Variants in MARCHF11 observed in about 807,000 individuals in gnomAD.
The protein encoded by MARCHF11 is E3 ubiquitin-protein ligase MARCHF11.
A neutral mutation model predicts 37.3 loss-of-function variants in MARCHF11; 29 were observed. That is an observed-to-expected ratio of 0.78 (90% CI 0.58 to 1.06). The LOEUF is 1.06. Among genes scored for constraint, MARCHF11 ranks in the 50% least tolerant of loss-of-function variants. The pLI, the probability that MARCHF11 is intolerant of heterozygous loss-of-function variation, is 0.00. For missense variants in MARCHF11, 482 were observed against 533.4 expected, an observed-to-expected ratio of 0.90 and a Z score of 0.95; for synonymous variants, 233 against 228.0, an observed-to-expected ratio of 1.02 and a Z score of -0.20.
chr5:16,131,781 C>T (rs961284844), intron 2 of MARCHF11, among the ~76,000 whole-genome samples: 3 of 152,194 alleles, frequency 2.0e-5, no homozygotes, highest in Non-Finnish European at 4.4e-5. Context: ...ATCACTACTT[C>T]GTGCTTAAGA....
chr5:16,072,535 T>C (rs1231284661), intron 3 of MARCHF11, among the ~76,000 whole-genome samples: 2 of 151,826 alleles, frequency 1.3e-5, no homozygotes, highest in Non-Finnish European at 2.9e-5. Flanking sequence ...TGTGTGTGTG[T>C]GTGTGTGTGT....
chr5:16,112,663 T>A (rs1275253955), intron 2 of MARCHF11, among the ~76,000 whole-genome samples: 1 of 152,204 alleles, frequency 6.6e-6, no homozygotes, highest in Non-Finnish European at 1.5e-5. Context: ...TTTGGGGGAC[T>A]GTTGGGAAGG....
intron 3 of MARCHF11, among the ~76,000 whole-genome samples, chr5:16,083,258 G>T (rs1026760090): frequency 6.6e-6 from 1 of 152,086 alleles, no homozygotes; most frequent in Non-Finnish European, 1.5e-5. Context: ...GGATTCTGGT[G>T]GTCTTGGCTC....
At chr5:16,147,613 G>C (rs763228416) in intron 2 of MARCHF11, among the ~76,000 whole-genome samples, 5 of 152,162 alleles carry the variant, frequency 3.3e-5, no homozygotes, top group Non-Finnish European at 4.4e-5. Flanking sequence ...GCTTGGTCTA[G>C]ATGATCTTGA....
rs1163692212 is a variant in MARCHF11, at chr5:16,177,865, G to C, written c.554C>G (p.Pro185Arg). 3.7e-6 allele frequency: 6 copies of C among 1,607,528 alleles called. No individual in the cohort carries two copies. Among genetic ancestry groups the C allele is most frequent in the Non-Finnish European group, 5.1e-6 (6 of 1,177,412 alleles). The change falls in exon 2 of 4, where the codon CCC (proline) becomes CGC (arginine). Residue 185 changes from proline to arginine, a missense_variant. Coordinates refer to ENST00000332432, the MANE Select transcript of MARCHF11 (RefSeq NM_001102562.3). The stretch of plus-strand genomic sequence containing the variant: ...CCGAACTGACCCATCACATCGGCAG[G>C]GGTTCAACAACTCACCCTAAAAAGA... ...QGAEQGELLN[P>R]CRCDGSVRYT...
chr5:16,153,214 A>G (rs1430808856), intron 2 of MARCHF11, among the ~76,000 whole-genome samples: 1 of 152,024 alleles, frequency 6.6e-6, no homozygotes. Context: ...TGGATTAGAC[A>G]TGAAAAGCAA....
chr5:16,177,777 A>G lies in MARCHF11; in HGVS notation c.642T>C (p.Leu214=). ...CTATAACATGGTATCTATAACAGCA[A>G]AGTTCACAGGTCCAGGAACCTCTCT... ...ISERGSWTCE[L]CCYRYHVIAI... is the part of the protein sequence containing the mutation. Residue 214 remains leucine, a synonymous_variant, in exon 2 of 4, where the codon CTT becomes CTC. Transcript: ENST00000332432. 6.2e-7 allele frequency: 1 copy of G among 1,613,836 alleles called. No individual in the cohort carries two copies. The highest frequency in any genetic ancestry group is 1.3e-5 in the African/African-American group (1 of 75,048).
chr5:16,109,383 T>C (rs925805665), intron 2 of MARCHF11, among the ~76,000 whole-genome samples: 6 of 152,092 alleles, frequency 3.9e-5, no homozygotes, highest in African/African-American at 7.2e-5. Flanking sequence ...ACCAATGATG[T>C]AATCAATCAT....
chr5:16,115,042 G>T (rs974702679), intron 2 of MARCHF11, among the ~76,000 whole-genome samples: 1 of 151,490 alleles, frequency 6.6e-6, no homozygotes, highest in African/African-American at 2.4e-5. Context: ...TCTTTTTGCG[G>T]TAAAAAAAAA....
At chr5:16,157,746 A>G (rs1463778443) in intron 2 of MARCHF11, among the ~76,000 whole-genome samples, 1 of 151,974 alleles carries the variant, frequency 6.6e-6, no homozygotes, top group Non-Finnish European at 1.5e-5. Context: ...AAGAAAACAC[A>G]GAGGAAAACC....
intron 2 of MARCHF11, among the ~76,000 whole-genome samples, chr5:16,108,610 G>A (rs748723746): frequency 6.6e-6 from 1 of 152,114 alleles, no homozygotes; most frequent in East Asian, 1.9e-4. Context: ...GACCAGATAT[G>A]TTTGCTTCCA....
chr5:16,092,226 C>T (rs1009802743), intron 2 of MARCHF11, among the ~76,000 whole-genome samples: 1 of 152,100 alleles, frequency 6.6e-6, no homozygotes, highest in Non-Finnish European at 1.5e-5. Context: ...CATACACATA[C>T]CATAAATAAA....
At chr5:16,140,562 A>G (rs1187805332) in intron 2 of MARCHF11, among the ~76,000 whole-genome samples, 1 of 152,234 alleles carries the variant, frequency 6.6e-6, no homozygotes, top group Non-Finnish European at 1.5e-5. Flanking sequence ...AATGCTATTT[A>G]CAATACATAT....
intron 1 of MARCHF11, 34 bp downstream of exon 1, chr5:16,179,005 C>A: frequency 2.1e-6 from 3 of 1,399,732 alleles, no homozygotes; most frequent in Non-Finnish European, 2.8e-6. Flanking sequence ...GCTGGAGCCG[C>A]CACCGGCTGC....
intron 3 of MARCHF11, among the ~76,000 whole-genome samples, chr5:16,085,812 C>T (rs565512670): frequency 4.6e-5 from 7 of 151,424 alleles, no homozygotes; most frequent in East Asian, 3.9e-4. Context: ...ATTAGGTGGG[C>T]GCCTGTAGTC....
chr5:16,076,086 A>AT (rs1736511628), intron 3 of MARCHF11, among the ~76,000 whole-genome samples: 1 of 152,160 alleles, frequency 6.6e-6, no homozygotes, highest in African/African-American at 2.4e-5. Context: ...TAAAAAGGAA[A>AT]TTGTCCATTC....
At chr5:16,160,259 T>G (rs1421207107) in intron 2 of MARCHF11, among the ~76,000 whole-genome samples, 7 of 146,482 alleles carry the variant, frequency 4.8e-5, no homozygotes, top group African/African-American at 1.7e-4. Context: ...TAATTTTATA[T>G]TTTAATATAT....
chr5:16,131,146 T>C (rs1039869919), intron 2 of MARCHF11, among the ~76,000 whole-genome samples: 5 of 152,184 alleles, frequency 3.3e-5, no homozygotes, highest in Non-Finnish European at 7.4e-5. Flanking sequence ...CAGTTCAAAG[T>C]AATTCCTTAA....
chr5:16,106,193 A>G (rs1462597970), intron 2 of MARCHF11, among the ~76,000 whole-genome samples: 1 of 152,276 alleles, frequency 6.6e-6, no homozygotes, highest in East Asian at 1.9e-4. Context: ...TCCAGGCAGG[A>G]GCAACCTGAA....
Sources: allele counts gnomAD v4.1 joint callset (sites outside exome capture counted in the v4.1 genomes callset), GRCh38; gene constraint gnomAD v4.1.1; transcripts MANE v1.5; gene names NCBI Gene and HGNC (gene_info 2026-07-23, HGNC 2026-07-21).